PPP1R12A: variants seen among roughly 807,000 people sequenced by gnomAD.
PPP1R12A encodes myosin binding subunit.
Under a neutral mutation model 139.6 loss-of-function variants are expected in PPP1R12A, and 19 were observed. That is an observed-to-expected ratio of 0.14 (90% CI 0.09 to 0.20). PPP1R12A has a LOEUF of 0.20. Among genes scored for constraint, PPP1R12A ranks in the 10% least tolerant of loss-of-function variants. PPP1R12A has a pLI of 1.00. For synonymous variants in PPP1R12A, 427 were observed against 420.6 expected, an observed-to-expected ratio of 1.02 and a Z score of -0.19; for missense variants, 925 against 1,211.5, an observed-to-expected ratio of 0.76 and a Z score of 3.51.
At chr12:79,802,008 T>C (rs1189169459) in intron 14 of PPP1R12A, among the ~76,000 whole-genome samples, 1 of 152,134 alleles carries the variant, frequency 6.6e-6, no homozygotes, top group Non-Finnish European at 1.5e-5. Context: ...TTATAGTGAG[T>C]TTCCTGGGAC....
intron 15 of PPP1R12A, 83 bp from the exon 16 acceptor site, chr12:79,797,478 T>C (rs542445737): frequency 1.6e-6 from 2 of 1,278,534 alleles, no homozygotes; most frequent in South Asian, 3.0e-5. Flanking sequence ...ATATATTACA[T>C]ACAAATGCAT....
Position 79,775,642 on chromosome 12 carries a change from C to T in PPP1R12A, c.*287G>A, listed in dbSNP as rs183648340. On this transcript the variant is annotated 3_prime_UTR_variant, in exon 25 of 25. Coordinates refer to ENST00000450142, the MANE Select transcript of PPP1R12A (RefSeq NM_002480.3). ...TGAACACTTTCCTTATATGCTGGAG[C>T]TGTAAACAAGTTTTCTCAGTCATTA... The T allele has an allele frequency of 1.8e-5, 4 of 223,448 alleles. No homozygotes were observed. In the East Asian group the frequency reaches 3.9e-4, roughly 22 times the overall value. 13.8% of individuals were successfully genotyped at this position (223,448 alleles called of 1,614,324 possible).
chr12:79,817,264 CA>C (rs1361031967), intron 9 of PPP1R12A, 129 bp downstream of exon 9: 21 of 823,760 alleles, frequency 2.5e-5, no homozygotes, highest in Non-Finnish European at 3.7e-5. Flanking sequence ...AACATAAATA[CA>C]TATTTATATT....
intron 2 of PPP1R12A, among the ~76,000 whole-genome samples, chr12:79,851,167 T>G (rs1284318634): frequency 6.6e-6 from 1 of 152,208 alleles, no homozygotes. Flanking sequence ...AAAGCCATCC[T>G]AGGAGAAATT....
intron 22 of PPP1R12A, among the ~76,000 whole-genome samples, chr12:79,784,517 G>A (rs1870869419): frequency 6.6e-6 from 1 of 152,160 alleles, no homozygotes; most frequent in South Asian, 2.1e-4. Context: ...AGACATACAG[G>A]AAGAATTACA....
At chr12:79,882,653 C>T (rs928490294) in intron 1 of PPP1R12A, among the ~76,000 whole-genome samples, 1 of 152,078 alleles carries the variant, frequency 6.6e-6, no homozygotes, top group Non-Finnish European at 1.5e-5. Flanking sequence ...CTGAGAGGAT[C>T]GACTCCAATT....
chr12:79,838,753 C>G (rs1486340480), intron 3 of PPP1R12A, among the ~76,000 whole-genome samples: 1 of 152,208 alleles, frequency 6.6e-6, no homozygotes, highest in Non-Finnish European at 1.5e-5. Flanking sequence ...GTTTGGGAAG[C>G]TCTGCCTAGA....
Position 79,845,128 on chromosome 12 carries a change from G to A in PPP1R12A, c.487+174C>T, listed in dbSNP as rs566940378. Among the ~76,000 whole-genome samples, 6 of 152,276 alleles carry A rather than the reference G, an allele frequency of 3.9e-5. No homozygotes were observed. In the South Asian group the frequency reaches 1.2e-3, roughly 32 times the overall value. ...CTTTTAACTTTAAAAATACTTAAAA[G>A]ATAGAGTGGAGAATATTTTAGAAAA... On this transcript the variant is annotated intron_variant, in intron 3 of 24. Coordinates refer to ENST00000450142, the MANE Select transcript of PPP1R12A (RefSeq NM_002480.3).
intron 19 of PPP1R12A, among the ~76,000 whole-genome samples, chr12:79,793,413 C>T (rs1872130895): frequency 6.6e-6 from 1 of 152,186 alleles, no homozygotes; most frequent in Admixed American, 6.5e-5. Flanking sequence ...TTCTCCAGAA[C>T]ATAACTTTGA....
chr12:79,934,189 A>G (rs541683921), intron 1 of PPP1R12A, among the ~76,000 whole-genome samples: 4 of 152,262 alleles, frequency 2.6e-5, no homozygotes, highest in Admixed American at 6.5e-5. Flanking sequence ...GCTCTAGATT[A>G]CTATTATTAT....
chr12:79,924,453 T>C (rs1385212451), intron 1 of PPP1R12A, among the ~76,000 whole-genome samples: 1 of 152,114 alleles, frequency 6.6e-6, no homozygotes, highest in African/African-American at 2.4e-5. Flanking sequence ...ATGTGAGACC[T>C]GGTCTCACTC....
At chr12:79,925,843 GA>G (rs1029852154) in intron 1 of PPP1R12A, among the ~76,000 whole-genome samples, 12 of 150,534 alleles carry the variant, frequency 8.0e-5, no homozygotes, top group Non-Finnish European at 1.5e-4. Context: ...ATGTTATTTG[GA>G]AAAAAAAAGT....
intron 9 of PPP1R12A, among the ~76,000 whole-genome samples, chr12:79,816,982 AT>A (rs376420358): frequency 2.2e-4 from 33 of 152,180 alleles, no homozygotes; most frequent in African/African-American, 7.7e-4. Flanking sequence ...AGTATTTGTA[AT>A]TTACCCGTGT....
intron 1 of PPP1R12A, among the ~76,000 whole-genome samples, chr12:79,874,006 T>C (rs1882842266): frequency 6.6e-6 from 1 of 152,200 alleles, no homozygotes; most frequent in South Asian, 2.1e-4. Flanking sequence ...CCAGGCGCGG[T>C]GGCTCACGCC....
At position 79,803,345 on chromosome 12, in the gene PPP1R12A, C is replaced by A. The variant is rs533734702; in HGVS notation, c.2000+2247G>T. Among the ~76,000 whole-genome samples the A allele has an allele frequency of 1.4e-3, 213 of 152,166 alleles. 2 individuals carry two copies. The highest frequency in any genetic ancestry group is 4.8e-3 in the African/African-American group (200 of 41,516). ...GTACTTTTAATTGCAAAGAGCTGAT[C>A]ATTAAAAGATGGTAGAATATACCCA... On this transcript the variant is annotated intron_variant, in intron 14 of 24. Coordinates refer to ENST00000450142, the MANE Select transcript of PPP1R12A (RefSeq NM_002480.3).
chr12:79,815,880 CA>C lies in PPP1R12A; in HGVS notation c.1239+1513del. ...AAGTCATTCATAGTTTCTCAATATT[CA>C]AACTATGTACCAATGAAACCAACAC... On this transcript the variant is annotated intron_variant, in intron 9 of 24. Coordinates refer to ENST00000450142, the MANE Select transcript of PPP1R12A (RefSeq NM_002480.3). 2.0e-5 allele frequency among the ~76,000 whole-genome samples: 3 copies of C among 152,252 alleles called. No individual in the cohort carries two copies. The East Asian group carries it at 5.8e-4, about 29-fold the overall frequency.
At position 79,918,158 on chromosome 12, in the gene PPP1R12A, T is replaced by TA. The variant is rs545459727; in HGVS notation, c.237+16536dup. On this transcript the variant is annotated intron_variant, in intron 1 of 24. Coordinates refer to ENST00000450142, the MANE Select transcript of PPP1R12A (RefSeq NM_002480.3). ...ATTTTTAGGCAGTTCACTGAAACCT[T>TA]AAAAAAAAAAAAACATAATCACGAA... 3.6e-3 allele frequency among the ~76,000 whole-genome samples: 517 copies of TA among 143,688 alleles called. 1 individual carries two copies. Among genetic ancestry groups the TA allele is most frequent in the South Asian group, 4.0e-3 (18 of 4,536 alleles). The allele number at this position is 143,688 out of a possible 152,430, so 94.3% of individuals were successfully genotyped here.
At chr12:79,907,798 T>A (rs530202840) in intron 1 of PPP1R12A, among the ~76,000 whole-genome samples, 20 of 152,266 alleles carry the variant, frequency 1.3e-4, no homozygotes, top group African/African-American at 4.8e-4. Flanking sequence ...CTCGGGAGGC[T>A]GAGGCAGGAG....
chr12:79,804,083 T>G (rs1873528570), intron 14 of PPP1R12A, among the ~76,000 whole-genome samples: 2 of 151,524 alleles, frequency 1.3e-5, no homozygotes, highest in Admixed American at 6.6e-5. Flanking sequence ...AACAGAAGAG[T>G]TTCTGACTCA....
Sources: allele counts gnomAD v4.1 joint callset (sites outside exome capture counted in the v4.1 genomes callset), GRCh38; gene constraint gnomAD v4.1.1; transcripts MANE v1.5; gene names NCBI Gene and HGNC (gene_info 2026-07-23, HGNC 2026-07-21).